Variants in SV2B observed in about 807,000 individuals in gnomAD.
SV2B encodes solute carrier family 22 member B2.
Under a neutral mutation model 73.9 loss-of-function variants are expected in SV2B, and 41 were observed. The observed-to-expected ratio is 0.56, with a 90% confidence interval of 0.43 to 0.72. SV2B has a LOEUF of 0.72. Ranked by LOEUF, SV2B falls within the 30% of genes least tolerant of loss-of-function variation. The pLI is 0.00. For missense variants in SV2B, 764 were observed against 857.8 expected, an observed-to-expected ratio of 0.89 and a Z score of 1.37; for synonymous variants, 314 against 314.2, an observed-to-expected ratio of 1.00 and a Z score of 0.01.
At chr15:91,178,843 G>A (rs1194719695) in intron 1 of SV2B, among the ~76,000 whole-genome samples, 2 of 144,104 alleles carry the variant, frequency 1.4e-5, no homozygotes, top group Admixed American at 7.0e-5. Context: ...CAACAAACCA[G>A]CTCCTGGATT....
chr15:91,186,039 C>T (rs758038236), intron 1 of SV2B, among the ~76,000 whole-genome samples: 2 of 152,136 alleles, frequency 1.3e-5, no homozygotes, highest in African/African-American at 2.4e-5. Flanking sequence ...ACAACATACA[C>T]GAGGATTCTT....
chr15:91,170,123 T>G (rs746924168), intron 1 of SV2B, among the ~76,000 whole-genome samples: 22 of 152,162 alleles, frequency 1.4e-4, no homozygotes, highest in Non-Finnish European at 2.9e-4. Context: ...TAGGTCCGTA[T>G]TTTTTTAAAG....
chr15:91,287,701 T>C (rs12902496), intron 11 of SV2B, among the ~76,000 whole-genome samples: 5,544 of 152,302 alleles, frequency 0.036, 152 homozygotes, highest in South Asian at 0.055. Context: ...ATGGACTGCA[T>C]ACTTAGATTC....
intron 1 of SV2B, among the ~76,000 whole-genome samples, chr15:91,178,309 G>T (rs1415894637): frequency 6.6e-6 from 1 of 150,628 alleles, no homozygotes; most frequent in Non-Finnish European, 1.5e-5. Flanking sequence ...TTTTATTGAG[G>T]ATTTTTGCAT....
chr15:91,194,880 A>G (rs2045187191), intron 1 of SV2B, among the ~76,000 whole-genome samples: 2 of 152,104 alleles, frequency 1.3e-5, no homozygotes, highest in Non-Finnish European at 2.9e-5. Flanking sequence ...TGAATGTGAA[A>G]CGGCCTGTGT....
At chr15:91,266,508 A>C (rs886425395) in intron 6 of SV2B, 74 bp from the exon 7 acceptor site, 1 of 1,136,546 alleles carries the variant, frequency 8.8e-7, no homozygotes, top group African/African-American at 1.6e-5. Flanking sequence ...TTAAATAGTT[A>C]CATTAAACTA....
In SV2B at chr15:91,252,112, T is replaced by C. The variant is rs1354242466; in HGVS notation, c.632+113T>C. 3 of 1,399,892 alleles carry C rather than the reference T, an allele frequency of 2.1e-6. No homozygotes were observed. The highest frequency in any genetic ancestry group is 2.9e-5 in the African/African-American group (2 of 69,122). The allele number at this position is 1,399,892 out of a possible 1,614,324, so 86.7% of individuals were successfully genotyped here. A position where few individuals can be genotyped will look rare whatever the true frequency, so the allele number is the denominator to read the frequency against. ...ACCCTTGGACTGACTGAGTTTTTGT[T>C]TGACTTTCAGGATACTATATTAAAG... is the stretch of plus-strand genomic sequence containing the variant. On this transcript the variant is annotated intron_variant, in intron 3 of 12. Coordinates refer to ENST00000394232, the MANE Select transcript of SV2B (RefSeq NM_001323032.3). This position sits in a 1 kb window ranked among gnomAD's most constrained non-coding sequence, Gnocchi z 4.6.
At chr15:91,158,535 T>C (rs1177777052) in intron 1 of SV2B, among the ~76,000 whole-genome samples, 1 of 151,650 alleles carries the variant, frequency 6.6e-6, no homozygotes, top group Admixed American at 6.6e-5. Context: ...TGTGGCTTTG[T>C]AGTTAGTGAC....
chr15:91,283,950 T>C lies in SV2B; in HGVS notation c.1508-71T>C. The C allele has an allele frequency of 6.6e-7, 1 of 1,521,724 alleles. No individual in the cohort carries two copies. The highest frequency in any genetic ancestry group is 9.1e-7 in the Non-Finnish European group (1 of 1,101,242). The allele number at this position is 1,521,724 out of a possible 1,614,324, so 94.3% of individuals were successfully genotyped here. ...TGCCTACAGGAGGGGGCAGACTTCA[T>C]CCCTGCCTCTGCCTTTCTCTCTCCA... On this transcript the variant is annotated intron_variant, in intron 10 of 12. Coordinates refer to ENST00000394232, the MANE Select transcript of SV2B (RefSeq NM_001323032.3). The surrounding 1 kb of genome is among the most constrained non-coding windows in gnomAD (Gnocchi z 4.3).
chr15:91,135,891 C>T (rs1472081896), intron 1 of SV2B, among the ~76,000 whole-genome samples: 2 of 152,190 alleles, frequency 1.3e-5, no homozygotes, highest in Non-Finnish European at 2.9e-5. Context: ...TCCTAAAACT[C>T]CTCTCTGTTC....
At position 91,292,833 on chromosome 15, in the gene SV2B, C is replaced by A. The variant is rs1265936978; in HGVS notation, c.*281C>A. 3.3e-6 allele frequency: 1 copy of A among 299,250 alleles called. No individual in the cohort carries two copies. Among genetic ancestry groups the A allele is most frequent in the African/African-American group, 2.2e-5 (1 of 46,412 alleles). The allele number at this position is 299,250 out of a possible 1,614,324, so 18.5% of individuals were successfully genotyped here. A position where few individuals can be genotyped will look rare whatever the true frequency, so the allele number is the denominator to read the frequency against. Reference sequence around the variant, plus strand: ...GGGAGAGGATTCTCCAGTGAGTGCACACACTATGCGAGGAGCAAGCATTTC... The same window carrying A: ...GGGAGAGGATTCTCCAGTGAGTGCAAACACTATGCGAGGAGCAAGCATTTC... On this transcript the variant is annotated 3_prime_UTR_variant, in exon 13 of 13. Transcript: ENST00000394232.
rs2042427818 is a variant in SV2B, at chr15:91,124,719, T to C, written c.-392+24356T>C. Among the ~76,000 whole-genome samples the C allele has an allele frequency of 6.6e-6, 1 of 152,078 alleles. No homozygotes were observed. The highest frequency in any genetic ancestry group is 6.6e-5 in the Admixed American group (1 of 15,256). On this transcript the variant is annotated intron_variant, in intron 1 of 12. Coordinates refer to ENST00000394232, the MANE Select transcript of SV2B (RefSeq NM_001323032.3). This position sits in a 1 kb window ranked among gnomAD's most constrained non-coding sequence, Gnocchi z 4.6. The stretch of plus-strand genomic sequence containing the variant: ...CCCAGGCTGGAGTGCAGTGGCACTA[T>C]CTTGGCTCACTGCAACCTCCACCTC...
At chr15:91,218,109 G>A (rs1286878011) in intron 1 of SV2B, among the ~76,000 whole-genome samples, 1 of 152,174 alleles carries the variant, frequency 6.6e-6, no homozygotes, top group African/African-American at 2.4e-5. Flanking sequence ...TTTAATATAA[G>A]TTTTATGTGA....
chr15:91,249,101 CACACACAT>C (rs751184220), intron 2 of SV2B, among the ~76,000 whole-genome samples: 51 of 125,368 alleles, frequency 4.1e-4, no homozygotes, highest in East Asian at 2.8e-3. Context: ...CACACACACA[CACACACAT>C]GTTTATGATC....
At chr15:91,185,289 AT>A (rs1172326081) in intron 1 of SV2B, among the ~76,000 whole-genome samples, 3 of 152,162 alleles carry the variant, frequency 2.0e-5, no homozygotes, top group African/African-American at 7.2e-5. Context: ...AATCAAATTT[AT>A]TTTGATATTT....
At chr15:91,190,353 C>A (rs1473697181) in intron 1 of SV2B, among the ~76,000 whole-genome samples, 1 of 145,854 alleles carries the variant, frequency 6.9e-6, no homozygotes, top group African/African-American at 2.5e-5. Context: ...TCCTTTATTT[C>A]TTTTTCTTGC....
chr15:91,191,059 G>GTTTTTTTTTTTTTTTTTTT (rs1161482690), intron 1 of SV2B, among the ~76,000 whole-genome samples: 7 of 59,728 alleles, frequency 1.2e-4, no homozygotes, highest in South Asian at 6.4e-4. Flanking sequence ...TTTTTTTGGT[G>GTTTTTTTTTTTTTTTTTTT]TTTCTTTTTT....
chr15:91,114,225 C>T (rs935478435), intron 1 of SV2B, among the ~76,000 whole-genome samples: 21 of 147,406 alleles, frequency 1.4e-4, no homozygotes, highest in Non-Finnish European at 3.0e-4. Context: ...AAACAATGTA[C>T]CCTGGATTGG....
At position 91,302,306 on chromosome 15, in the gene SV2B, G is replaced by A. The variant is rs985616162; in HGVS notation, c.*9754G>A. 1.3e-5 allele frequency among the ~76,000 whole-genome samples: 2 copies of A among 152,044 alleles called. No homozygotes were observed. Among genetic ancestry groups the A allele is most frequent in the African/African-American group, 4.8e-5 (2 of 41,404 alleles). On this transcript the variant is annotated 3_prime_UTR_variant, in exon 13 of 13. Coordinates refer to ENST00000394232, the MANE Select transcript of SV2B (RefSeq NM_001323032.3). ...ACACTGCAGCTGTAACTCTGGGTCCGGGTCTTGGTGGCTCCTGCTTTGCTG... is the reference window on the plus strand; with the variant it reads ...ACACTGCAGCTGTAACTCTGGGTCCAGGTCTTGGTGGCTCCTGCTTTGCTG...
Sources: allele counts gnomAD v4.1 joint callset (sites outside exome capture counted in the v4.1 genomes callset), GRCh38; gene constraint gnomAD v4.1.1; non-coding constraint Gnocchi (gnomAD v3.1); transcripts MANE v1.5; gene names NCBI Gene and HGNC (gene_info 2026-07-23, HGNC 2026-07-21).